Variants in HYDIN observed in about 807,000 individuals in gnomAD.
HYDIN encodes the protein HYDIN axonemal central pair apparatus protein.
In HYDIN, 132 loss-of-function variants were observed where a neutral mutation model predicts 403.9. The ratio of observed to expected loss-of-function variants is 0.33; its 90% confidence interval spans 0.28 to 0.38. The LOEUF is 0.38. Ranked by LOEUF, HYDIN falls within the 10% of genes least tolerant of loss-of-function variation. HYDIN has a pLI of 1.00. For missense variants in HYDIN, 2,827 were observed against 5,009.5 expected, an observed-to-expected ratio of 0.56 and a Z score of 13.15; for synonymous variants, 1,202 against 1,891.7, an observed-to-expected ratio of 0.64 and a Z score of 9.46.
At chr16:71,037,770 A>AGTG (rs1161653240) in intron 18 of HYDIN, among the ~76,000 whole-genome samples, 1 of 152,222 alleles carries the variant, frequency 6.6e-6, no homozygotes, top group East Asian at 1.9e-4. Flanking sequence ...GGGGCCCAGT[A>AGTG]GTGGATCTTT....
chr16:70,850,424 A>G, intron 74 of HYDIN, 24 bp downstream of exon 74: 1 of 1,080,966 alleles, frequency 9.3e-7, no homozygotes, highest in Non-Finnish European at 1.3e-6. Flanking sequence ...TGAGATAGAT[A>G]GCAAGGTCTT....
At chr16:71,002,709 A>C in intron 23 of HYDIN, among the ~76,000 whole-genome samples, 1 of 144,346 alleles carries the variant, frequency 6.9e-6, no homozygotes, top group African/African-American at 2.7e-5. Context: ...ATAGAGTCTC[A>C]CTCTATTGCC....
At chr16:70,932,806 T>A (rs909274459) in intron 45 of HYDIN, among the ~76,000 whole-genome samples, 5 of 152,190 alleles carry the variant, frequency 3.3e-5, no homozygotes, top group African/African-American at 1.2e-4. Context: ...TGTTCACCCA[T>A]CGAATCTAGT....
At chr16:71,123,822 T>C (rs1262227205) in intron 9 of HYDIN, among the ~76,000 whole-genome samples, 2 of 151,846 alleles carry the variant, frequency 1.3e-5, no homozygotes, top group Non-Finnish European at 2.9e-5. Context: ...GGGAAACCCC[T>C]TTCACTTGGT....
At chr16:71,144,493 G>A (rs1340429267) in intron 7 of HYDIN, among the ~76,000 whole-genome samples, 2 of 142,546 alleles carry the variant, frequency 1.4e-5, no homozygotes, top group African/African-American at 5.4e-5. Flanking sequence ...CTCAATTTTA[G>A]ACTATAATAA....
At chr16:71,108,646 C>T (rs867606495) in intron 10 of HYDIN, among the ~76,000 whole-genome samples, 121 of 151,722 alleles carry the variant, frequency 8.0e-4, no homozygotes, top group Non-Finnish European at 1.2e-3. Context: ...GATCTGATCG[C>T]TGTATATTAT....
intron 5 of HYDIN, 76 bp downstream of exon 5, chr16:71,175,531 C>T (rs988682088): frequency 8.1e-6 from 12 of 1,480,052 alleles, no homozygotes; most frequent in South Asian, 3.6e-5. Context: ...CCAGCACTAC[C>T]GCCTCTGTAA....
At chr16:70,858,015 T>C (rs1224612063) in intron 71 of HYDIN, 145 bp from the exon 72 acceptor site, 2 of 1,272,356 alleles carry the variant, frequency 1.6e-6, no homozygotes, top group African/African-American at 3.0e-5. Context: ...TAAGGGCATG[T>C]AGGTGTGGCT....
rs1488732256 is a variant in HYDIN, at chr16:70,843,445, T to A, written c.12874-3212A>T. Reference sequence around the variant, plus strand: ...ATTTTCTTAATCCAGTCTATCATTGTTGGACATTTGGGTTGGTTCCAAGTC... The same window carrying A: ...ATTTTCTTAATCCAGTCTATCATTGATGGACATTTGGGTTGGTTCCAAGTC... On this transcript the variant is annotated intron_variant, in intron 75 of 85. Transcript: ENST00000393567. 3.2e-5 allele frequency among the ~76,000 whole-genome samples: 4 copies of A among 124,220 alleles called. 1 individual carries two copies. The highest frequency in any genetic ancestry group is 8.2e-5 in the African/African-American group (2 of 24,438). The allele number at this position is 124,220 out of a possible 152,430, so 81.5% of individuals were successfully genotyped here. A position where few individuals can be genotyped will look rare whatever the true frequency, so the allele number is the denominator to read the frequency against.
rs1045025632 is a variant in HYDIN, at chr16:70,805,215, G to C, written c.*2365C>G. ...ACTGTAATGAAAGAGTTATGGCTGT[G>C]GGTTTGGCAAATGTCAAGTTTTGCC... On this transcript the variant is annotated 3_prime_UTR_variant, in exon 86 of 86. Coordinates refer to ENST00000393567, the MANE Select transcript of HYDIN (RefSeq NM_001270974.2). Among the ~76,000 whole-genome samples, 2 of 152,190 alleles carry C rather than the reference G, an allele frequency of 1.3e-5. No individual in the cohort carries two copies. The highest frequency in any genetic ancestry group is 2.1e-4 in the South Asian group (1 of 4,832).
At chr16:70,886,899 G>T (rs9928753) in intron 58 of HYDIN, among the ~76,000 whole-genome samples, 5,602 of 151,958 alleles carry the variant, frequency 0.037, 309 homozygotes, top group African/African-American at 0.12. Flanking sequence ...TCCTATTTGG[G>T]TTTGCTCAGA....
intron 19 of HYDIN, among the ~76,000 whole-genome samples, chr16:71,028,096 C>T (rs577218208): frequency 2.0e-5 from 3 of 150,258 alleles, no homozygotes; most frequent in South Asian, 2.2e-4. Flanking sequence ...CTCCACTCCC[C>T]GTAAGTCTTC....
chr16:70,824,928 C>T (rs2143481801), intron 83 of HYDIN, among the ~76,000 whole-genome samples: 2 of 151,998 alleles, frequency 1.3e-5, no homozygotes, highest in East Asian at 3.9e-4. Context: ...CAGCTCACTG[C>T]AACCTCAATC....
At position 71,145,427 on chromosome 16, in the gene HYDIN, G is replaced by A. The variant is rs1360891225; in HGVS notation, c.841+7232C>T. Among the ~76,000 whole-genome samples the A allele has an allele frequency of 2.0e-5, 3 of 152,210 alleles. No homozygotes were observed. In the East Asian group the frequency reaches 5.8e-4, roughly 29 times the overall value. On this transcript the variant is annotated intron_variant, in intron 7 of 85. Transcript: ENST00000393567. The stretch of plus-strand genomic sequence containing the variant: ...ACGCCATCACACCCAGCTAATTTTT[G>A]TATTTTTAGTAGAGATGGGGTTTCA...
intron 1 of HYDIN, among the ~76,000 whole-genome samples, chr16:71,211,467 C>T (rs1426950272): frequency 2.6e-5 from 4 of 151,806 alleles, no homozygotes; most frequent in Admixed American, 6.6e-5. Context: ...GGTGAAACCC[C>T]GTCTCTACTA....
chr16:71,046,858 A>G (rs1275064081), intron 18 of HYDIN, among the ~76,000 whole-genome samples: 1 of 152,212 alleles, frequency 6.6e-6, no homozygotes, highest in African/African-American at 2.4e-5. Context: ...TCAGTGCACA[A>G]AACAGGAAGA....
intron 25 of HYDIN, among the ~76,000 whole-genome samples, chr16:70,989,293 C>T (rs2079270781): frequency 6.6e-6 from 1 of 152,124 alleles, no homozygotes; most frequent in South Asian, 2.1e-4. Context: ...CCTGCCTTGG[C>T]TCCCAAAGTA....
chr16:71,150,876 T>C (rs1320892964), intron 7 of HYDIN, among the ~76,000 whole-genome samples: 1 of 152,044 alleles, frequency 6.6e-6, no homozygotes, highest in African/African-American at 2.4e-5. Context: ...AACAAAAGAA[T>C]AAGCAAAGAA....
rs577556221 is a variant in HYDIN, at chr16:70,834,704, C to T, written c.13402-540G>A. 2.6e-4 allele frequency among the ~76,000 whole-genome samples: 39 copies of T among 151,994 alleles called. 1 individual carries two copies. Among genetic ancestry groups the T allele is most frequent in the South Asian group, 8.3e-4 (4 of 4,812 alleles). ...CTCTACTAAAAATACAAAAATTAGA[C>T]GGGCTTTGTGGTTTATGCCTGTAGT... On this transcript the variant is annotated intron_variant, in intron 78 of 85. Transcript: ENST00000393567.
Sources: allele counts gnomAD v4.1 joint callset (sites outside exome capture counted in the v4.1 genomes callset), GRCh38; gene constraint gnomAD v4.1.1; transcripts MANE v1.5; gene names NCBI Gene and HGNC (gene_info 2026-07-23, HGNC 2026-07-21).